Variants in BHMT2 observed in about 807,000 individuals in gnomAD.
BHMT2 encodes the protein betaine--homocysteine S-methyltransferase 2.
BHMT2 carries 28 observed loss-of-function variants against 39.0 expected under a neutral mutation model. That is an observed-to-expected ratio of 0.72 (90% CI 0.53 to 0.98). BHMT2 has a LOEUF of 0.98. Ranked by LOEUF, BHMT2 falls within the 50% of genes least tolerant of loss-of-function variation. BHMT2 has a pLI of 0.00. For missense variants in BHMT2, 410 were observed against 455.6 expected (o/e 0.90, Z 0.91); for synonymous variants, 145 against 160.6 (o/e 0.90, Z 0.74).
intron 1 of BHMT2, among the ~76,000 whole-genome samples, chr5:79,074,181 T>G (rs929186591): frequency 6.6e-6 from 1 of 152,204 alleles, no homozygotes; most frequent in Non-Finnish European, 1.5e-5. Context: ...CCAGTGTAAA[T>G]TTTTTATGTA....
rs375774891 is a variant in BHMT2 at position 79,083,876 on chromosome 5, C to T, written c.1010+20C>T. 6.3e-7 allele frequency: 1 copy of T among 1,591,504 alleles called. No homozygotes were observed. Among genetic ancestry groups the T allele is most frequent in the Non-Finnish European group, 8.6e-7 (1 of 1,168,092 alleles). ...AGCAAGGTAAGCATTTTTAAATTAACATTCTTATTATTTTCCTTTAATCTC... is the reference window on the plus strand; with the variant it reads ...AGCAAGGTAAGCATTTTTAAATTAATATTCTTATTATTTTCCTTTAATCTC... On this transcript the variant is annotated intron_variant, in intron 7 of 7. Coordinates refer to ENST00000255192, the MANE Select transcript of BHMT2 (RefSeq NM_017614.5).
At chr5:79,072,921 T>C (rs998367166) in intron 1 of BHMT2, among the ~76,000 whole-genome samples, 1 of 152,078 alleles carries the variant, frequency 6.6e-6, no homozygotes, top group Non-Finnish European at 1.5e-5. Flanking sequence ...ATCTGAATTC[T>C]GTGCCAATGT....
Position 79,077,851 on chromosome 5 carries a change from A to G in BHMT2, c.166+239A>G, listed in dbSNP as rs1755703652. The G allele has an allele frequency of 9.0e-6, 3 of 333,504 alleles. No homozygotes were observed. The South Asian group carries it at 1.5e-4, about 17-fold the overall frequency. The allele number at this position is 333,504 out of a possible 1,614,324, so 20.7% of individuals were successfully genotyped here. A position where few individuals can be genotyped will look rare whatever the true frequency, so the allele number is the denominator to read the frequency against. On this transcript the variant is annotated intron_variant, in intron 2 of 7. Coordinates refer to ENST00000255192, the MANE Select transcript of BHMT2 (RefSeq NM_017614.5). ...CCCACCCATCCACACGCCCACACAC[A>G]CTCCCACACACACACATCCATGCAC... is the stretch of plus-strand genomic sequence containing the variant.
chr5:79,079,191 A>G (rs961248798), intron 2 of BHMT2, among the ~76,000 whole-genome samples, 178 bp from the exon 3 acceptor site: 1 of 152,236 alleles, frequency 6.6e-6, no homozygotes, highest in South Asian at 2.1e-4. Flanking sequence ...TAAACAGTAC[A>G]TCCTGCCTAT....
Position 79,088,526 on chromosome 5 carries a change from A to G in BHMT2, c.1044A>G (p.Pro348=). 1 of 1,614,170 alleles carries G rather than the reference A, an allele frequency of 6.2e-7. No individual in the cohort carries two copies. The highest frequency in any genetic ancestry group is 1.1e-5 in the South Asian group (1 of 91,086). Residue 348 remains proline (P), a synonymous_variant, in exon 8 of 8, where the codon CCA becomes CCG. Transcript: ENST00000255192. The part of the protein sequence containing the change: ...ARREYWENLL[P]ASGRPFCPSL... ...GGGAGTATTGGGAGAATCTGCTGCC[A>G]GCTTCAGGCAGACCTTTCTGTCCTT...
chr5:79,077,462 T>C lies in BHMT2; in HGVS notation c.34-18T>C. On this transcript the variant is annotated intron_variant, in intron 1 of 7. Coordinates refer to ENST00000255192, the MANE Select transcript of BHMT2 (RefSeq NM_017614.5). The stretch of plus-strand genomic sequence containing the variant: ...AAAAAGTAGAGCGGAGCTTAGGTGC[T>C]TTTTTTCTCTTCTTCAGGGGATTTT... 6.3e-7 allele frequency: 1 copy of C among 1,595,592 alleles called. No homozygotes were observed.
chr5:79,084,774 A>G (rs1185464730), intron 7 of BHMT2, among the ~76,000 whole-genome samples: 1 of 152,256 alleles, frequency 6.6e-6, no homozygotes, highest in East Asian at 1.9e-4. Flanking sequence ...AGTGGTAACT[A>G]TTGATAACCC....
intron 1 of BHMT2, among the ~76,000 whole-genome samples, 198 bp downstream of exon 1, chr5:79,070,013 ACAGAGTGCTGTGCT>A (rs1755524266): frequency 6.6e-6 from 1 of 152,186 alleles, no homozygotes; most frequent in Non-Finnish European, 1.5e-5. Context: ...CTGGCGCTGC[ACAGAGTGCTGTGCT>A]CAAGTTATCT....
intron 4 of BHMT2, among the ~76,000 whole-genome samples, chr5:79,081,770 G>C (rs1755792181): frequency 6.6e-6 from 1 of 152,158 alleles, no homozygotes; most frequent in African/African-American, 2.4e-5. Context: ...TGAGGCAGGA[G>C]AATGGCTTGA....
At chr5:79,077,441 A>AT (rs750262190) in intron 1 of BHMT2, 39 bp from the exon 2 acceptor site, 2 of 1,561,930 alleles carry the variant, frequency 1.3e-6, no homozygotes, top group Admixed American at 2.1e-5. Flanking sequence ...AAAAAAAAAA[A>AT]GTAGAGCGGA....
At chr5:79,074,965 T>C (rs1755648177) in intron 1 of BHMT2, among the ~76,000 whole-genome samples, 1 of 152,166 alleles carries the variant, frequency 6.6e-6, no homozygotes, top group Non-Finnish European at 1.5e-5. Flanking sequence ...GTTTCCCCCA[T>C]GCTGAGGAGG....
intron 7 of BHMT2, among the ~76,000 whole-genome samples, chr5:79,087,008 GTGTGTGTA>G (rs1561243886): frequency 2.9e-5 from 3 of 105,224 alleles, no homozygotes; most frequent in African/African-American, 1.3e-4. Context: ...ATGTGTGTGT[GTGTGTGTA>G]TATATATATA....
Position 79,089,724 on chromosome 5 carries a change from T to C in BHMT2, c.*1150T>C, listed in dbSNP as rs778073896. 2.6e-5 allele frequency among the ~76,000 whole-genome samples: 4 copies of C among 152,156 alleles called. No individual in the cohort carries two copies. Among genetic ancestry groups the C allele is most frequent in the Non-Finnish European group, 4.4e-5 (3 of 68,018 alleles). On this transcript the variant is annotated 3_prime_UTR_variant, in exon 8 of 8. Transcript: ENST00000255192. ...GCTGACACCTATAATCCCAGCACTT[T>C]GGGAGGCCAGGGCGGGCAGATCACT...
intron 7 of BHMT2, 96 bp from the exon 8 acceptor site, chr5:79,088,397 T>G (rs1755947298): frequency 4.3e-6 from 3 of 702,236 alleles, no homozygotes; most frequent in South Asian, 1.9e-5. Context: ...TGTGTGTGTG[T>G]GGTTATATAC....
chr5:79,083,480 A>C, intron 6 of BHMT2, 106 bp downstream of exon 6: 9 of 1,477,656 alleles, frequency 6.1e-6, no homozygotes, highest in Non-Finnish European at 8.1e-6. Context: ...CATATGACAA[A>C]ACATTCAGAG....
At chr5:79,081,233 A>C (rs1755783997) in intron 4 of BHMT2, among the ~76,000 whole-genome samples, 1 of 152,130 alleles carries the variant, frequency 6.6e-6, no homozygotes, top group Admixed American at 6.5e-5. Context: ...AGGGCACTGC[A>C]TGTGTGGGCT....
intron 3 of BHMT2, 37 bp downstream of exon 3, chr5:79,079,497 T>G: frequency 6.8e-7 from 1 of 1,468,620 alleles, no homozygotes; most frequent in Non-Finnish European, 9.5e-7. Context: ...GAGGGAGTCA[T>G]CTATTAAAAA....
At chr5:79,070,652 C>T (rs569736287) in intron 1 of BHMT2, among the ~76,000 whole-genome samples, 1 of 152,260 alleles carries the variant, frequency 6.6e-6, no homozygotes, top group Admixed American at 6.5e-5. Context: ...ATGTGCACCA[C>T]CGAGCTATTT....
intron 3 of BHMT2, among the ~76,000 whole-genome samples, chr5:79,080,220 T>C (rs1295231033): frequency 6.6e-6 from 1 of 152,206 alleles, no homozygotes. Flanking sequence ...CTCTGTAAAA[T>C]GGAGACAACA....
Sources: allele counts gnomAD v4.1 joint callset (sites outside exome capture counted in the v4.1 genomes callset), GRCh38; gene constraint gnomAD v4.1.1; transcripts MANE v1.5; gene names NCBI Gene and HGNC (gene_info 2026-07-23, HGNC 2026-07-21).